The following PLXNA4 variants were observed in gnomAD, a reference collection of about 807,000 sequenced individuals.
PLXNA4 encodes the protein plexin-A4.
A neutral mutation model predicts 191.8 loss-of-function variants in PLXNA4; 44 were observed. The ratio of observed to expected loss-of-function variants is 0.23; its 90% CI spans 0.18 to 0.29. The LOEUF (loss-of-function observed/expected upper bound fraction) is 0.29. PLXNA4 is among the 10% of genes least tolerant of loss of function. The pLI is 1.00. For missense variants in PLXNA4, 1,800 were observed against 2,488.8 expected, an observed-to-expected ratio of 0.72 and a Z score of 5.89; for synonymous variants, 1,082 against 1,009.5, an observed-to-expected ratio of 1.07 and a Z score of -1.36.
intron 3 of PLXNA4, among the ~76,000 whole-genome samples, chr7:132,355,659 G>A (rs1358920850): frequency 5.9e-5 from 9 of 152,222 alleles, no homozygotes; most frequent in African/African-American, 2.2e-4. Flanking sequence ...TTGTATCCTA[G>A]TGTGGGATGA....
rs536711647 is a variant in PLXNA4 at position 132,272,857 on chromosome 7, AAGAACGTTCTT to A, written c.1503+25223_1503+25233del. On this transcript the variant is annotated intron_variant, in intron 4 of 31. Coordinates refer to ENST00000321063, the MANE Select transcript of PLXNA4 (RefSeq NM_020911.2). ...AACCCAGCTCATATTTGGCCTCCTT[AAGAACGTTCTT>A]CATCGCTCGTTCTCCATGTTACCTC... 3.3e-3 allele frequency among the ~76,000 whole-genome samples: 504 copies of A among 152,238 alleles called. 3 individuals are homozygous for A. Among genetic ancestry groups the A allele is most frequent in the African/African-American group, 0.012 (490 of 41,538 alleles).
At chr7:132,143,107 G>T (rs558287000) in intron 29 of PLXNA4, among the ~76,000 whole-genome samples, 2 of 152,172 alleles carry the variant, frequency 1.3e-5, no homozygotes, top group Non-Finnish European at 2.9e-5. Context: ...GTGGAAGAAG[G>T]GGGTGGGGAG....
intron 3 of PLXNA4, among the ~76,000 whole-genome samples, chr7:132,347,727 C>T (rs1165231174): frequency 6.6e-6 from 1 of 152,106 alleles, no homozygotes; most frequent in African/African-American, 2.4e-5. Context: ...GGCAGGTGCC[C>T]ATGATCACGG....
chr7:132,626,667 C>T (rs1052281380), intron 2 of PLXNA4, among the ~76,000 whole-genome samples: 2 of 152,220 alleles, frequency 1.3e-5, no homozygotes, highest in South Asian at 4.1e-4. Flanking sequence ...TAGAAGACTG[C>T]AGAACCATGA....
rs747588669 is a variant in PLXNA4, at chr7:132,508,247, C to G, written c.447G>C (p.Leu149=). 4 of 1,614,250 alleles carry G rather than the reference C, an allele frequency of 2.5e-6. No homozygotes were observed. Among genetic ancestry groups the G allele is most frequent in the Non-Finnish European group, 2.5e-6 (3 of 1,180,052 alleles). Residue 149 remains leucine (L), a synonymous_variant, in exon 2 of 32, where the codon CTG becomes CTC. Transcript: ENST00000321063. The surrounding 1 kb of genome is among the most constrained non-coding windows in gnomAD (Gnocchi z 4.4). ...GCTCCTTCTTATGATAAGGCTCCCC[C>G]AGCTTGAAGAGGTCCTCCAGCCTCA... ...KLLRLEDLFK[L]GEPYHKKEHY...
At chr7:132,563,238 CCTCCTCCTTCTCCTA>C (rs1801419766) in intron 1 of PLXNA4, among the ~76,000 whole-genome samples, 3 of 116,508 alleles carry the variant, frequency 2.6e-5, no homozygotes, top group African/African-American at 9.8e-5. Flanking sequence ...TCTTTCTCCT[CCTCCTCCTTCTCCTA>C]CTCCTTCTCC....
chr7:132,648,435 T>G (rs1803926988), intron 1 of PLXNA4: 1 of 152,258 alleles, frequency 6.6e-6, no homozygotes, highest in African/African-American at 2.4e-5. Context: ...TTCCTCTGCC[T>G]TCACACTCTC....
At chr7:132,151,365 AGG>A in intron 25 of PLXNA4, among the ~76,000 whole-genome samples, 2 of 115,146 alleles carry the variant, frequency 1.7e-5, no homozygotes, top group African/African-American at 2.9e-5. Context: ...AAGGAGGAGG[AGG>A]AGAAAGGAGG....
intron 3 of PLXNA4, among the ~76,000 whole-genome samples, chr7:132,379,149 C>T (rs1804786320): frequency 6.6e-6 from 1 of 152,158 alleles, no homozygotes; most frequent in Admixed American, 6.5e-5. Context: ...CCGTGCTCGG[C>T]CAGATCTTTT....
chr7:132,234,880 T>C (rs2117011979), intron 5 of PLXNA4, among the ~76,000 whole-genome samples: 1 of 152,314 alleles, frequency 6.6e-6, no homozygotes, highest in South Asian at 2.1e-4. Context: ...CATGACTGTG[T>C]AGGCCTTGTG....
intron 4 of PLXNA4, among the ~76,000 whole-genome samples, chr7:132,264,853 TCA>T (rs1233573560): frequency 6.6e-6 from 1 of 151,856 alleles, no homozygotes; most frequent in Admixed American, 6.6e-5. Context: ...GCCTGCCACC[TCA>T]CCCAGCTAAT....
intron 9 of PLXNA4, 23 bp downstream of exon 9, chr7:132,223,504 C>T (rs1291787658): frequency 1.3e-6 from 2 of 1,586,596 alleles, no homozygotes; most frequent in Non-Finnish European, 1.7e-6. Flanking sequence ...AGACACTCAC[C>T]ACTCTGGCTG....
chr7:132,510,618 T>C (rs955887804), intron 1 of PLXNA4, among the ~76,000 whole-genome samples: 2 of 151,478 alleles, frequency 1.3e-5, no homozygotes, highest in Middle Eastern at 6.8e-3. Flanking sequence ...TACAAGAGAG[T>C]GCTTTGAAAG....
chr7:132,390,530 C>G (rs192380135), intron 3 of PLXNA4, among the ~76,000 whole-genome samples: 117 of 151,974 alleles, frequency 7.7e-4, no homozygotes, highest in African/African-American at 2.6e-3. Context: ...CAAACCTGCA[C>G]GTTCTGCATA....
chr7:132,474,397 C>A (rs940980493), intron 3 of PLXNA4, among the ~76,000 whole-genome samples: 33 of 152,146 alleles, frequency 2.2e-4, no homozygotes, highest in African/African-American at 7.7e-4. Context: ...TAAATCAAAG[C>A]CCCTGTTTCC....
At chr7:132,564,758 G>A (rs549679005) in intron 1 of PLXNA4, among the ~76,000 whole-genome samples, 1 of 152,292 alleles carries the variant, frequency 6.6e-6, no homozygotes, top group South Asian at 2.1e-4. Flanking sequence ...CATGGCGCTT[G>A]GTGAAATGTA....
At chr7:132,449,811 A>G (rs949906295) in intron 3 of PLXNA4, among the ~76,000 whole-genome samples, 1 of 152,210 alleles carries the variant, frequency 6.6e-6, no homozygotes, top group African/African-American at 2.4e-5. Context: ...AGTCCAGACT[A>G]CTTCCACCCT....
chr7:132,577,463 C>T (rs188199738), upstream of PLXNA4, among the ~76,000 whole-genome samples: 258 of 151,480 alleles, frequency 1.7e-3, 7 homozygotes, highest in East Asian at 0.045. Flanking sequence ...GCCGCTCCCT[C>T]TCTGGCTCGC....
At chr7:132,370,598 A>G (rs1185225705) in intron 3 of PLXNA4, among the ~76,000 whole-genome samples, 1 of 152,210 alleles carries the variant, frequency 6.6e-6, no homozygotes, top group East Asian at 1.9e-4. Flanking sequence ...TAGCGGTGCC[A>G]GCTATCCTGG....
Sources: gnomAD v4.1 joint callset for allele counts (sites outside exome capture counted in the v4.1 genomes callset) on GRCh38, gnomAD v4.1.1 for gene constraint, Gnocchi (gnomAD v3.1) non-coding constraint, MANE v1.5 for transcripts, NCBI Gene and HGNC (gene_info 2026-07-23, HGNC 2026-07-21) for gene names.